The following CNBD1 variants were observed in gnomAD, a reference collection of about 807,000 sequenced individuals.
CNBD1 encodes the protein cyclic nucleotide-binding domain-containing protein 1.
CNBD1 carries 71 observed loss-of-function variants against 54.4 expected under a neutral mutation model. The observed-to-expected ratio is 1.30, with a 90% CI of 1.08 to 1.59. The LOEUF (loss-of-function observed/expected upper bound fraction) is 1.59. CNBD1 is among the 40% of genes most tolerant of loss of function. The pLI is 0.00. For missense variants in CNBD1, 659 were observed against 518.0 expected (o/e 1.27, Z -2.64); for synonymous variants, 182 against 170.7 (o/e 1.07, Z -0.51).
intron 4 of CNBD1, among the ~76,000 whole-genome samples, chr8:87,123,868 C>T (rs917741584): frequency 6.6e-6 from 1 of 151,524 alleles, no homozygotes; most frequent in Non-Finnish European, 1.5e-5. Context: ...CAATTAATAA[C>T]TAATTGGATA....
chr8:87,162,255 T>C (rs1166058344), intron 4 of CNBD1, among the ~76,000 whole-genome samples: 1 of 152,084 alleles, frequency 6.6e-6, no homozygotes, highest in African/African-American at 2.4e-5. Flanking sequence ...TCAGAATATG[T>C]TGAAACAGAA....
intron 2 of CNBD1, among the ~76,000 whole-genome samples, chr8:87,412,392 G>C (rs1234725980): frequency 6.6e-6 from 1 of 152,048 alleles, no homozygotes; most frequent in East Asian, 1.9e-4. Context: ...TACTCGATAT[G>C]ACCAGGATTT....
intron 3 of CNBD1, among the ~76,000 whole-genome samples, chr8:86,936,985 T>C (rs1809560972): frequency 6.6e-6 from 1 of 152,168 alleles, no homozygotes; most frequent in Non-Finnish European, 1.5e-5. Flanking sequence ...CTGAGGATAA[T>C]ATTGCCTACT....
intron 4 of CNBD1, among the ~76,000 whole-genome samples, chr8:87,113,202 C>T (rs1811699706): frequency 6.6e-6 from 1 of 152,138 alleles, no homozygotes; most frequent in Non-Finnish European, 1.5e-5. Flanking sequence ...AGAAGAGTTC[C>T]AGTGTGAGCC....
chr8:87,408,338 A>C (rs1240568593), intron 2 of CNBD1, among the ~76,000 whole-genome samples: 2 of 151,908 alleles, frequency 1.3e-5, no homozygotes, highest in African/African-American at 4.8e-5. Flanking sequence ...TCACCTTCTT[A>C]TTAATCCCAC....
intron 8 of CNBD1, among the ~76,000 whole-genome samples, chr8:87,345,892 A>G (rs1810165381): frequency 6.6e-6 from 1 of 152,208 alleles, no homozygotes; most frequent in Non-Finnish European, 1.5e-5. Flanking sequence ...CCTTGCATAA[A>G]GAGGTGACTA....
intron 10 of CNBD1, among the ~76,000 whole-genome samples, chr8:87,375,607 G>A (rs1375264084): frequency 6.6e-6 from 1 of 151,746 alleles, no homozygotes; most frequent in Non-Finnish European, 1.5e-5. Flanking sequence ...ACCGAATCAA[G>A]GTTATTAGAT....
intron 1 of CNBD1, among the ~76,000 whole-genome samples, chr8:86,869,658 A>C (rs1808414378): frequency 6.6e-6 from 1 of 152,176 alleles, no homozygotes; most frequent in South Asian, 2.1e-4. Context: ...GGAGGAATGA[A>C]TGTTCTCAAA....
chr8:87,220,444 C>T (rs1814306379), intron 5 of CNBD1, among the ~76,000 whole-genome samples: 1 of 151,466 alleles, frequency 6.6e-6, no homozygotes, highest in Admixed American at 6.6e-5. Flanking sequence ...TCTGCAACTT[C>T]ACTTTCTTTC....
intron 8 of CNBD1, among the ~76,000 whole-genome samples, chr8:87,349,616 C>G (rs553588642): frequency 6.6e-6 from 1 of 152,226 alleles, no homozygotes; most frequent in African/African-American, 2.4e-5. Flanking sequence ...CTCAGATGAT[C>G]TGCCCGCCTC....
chr8:87,126,971 T>G (rs947137054), intron 4 of CNBD1, among the ~76,000 whole-genome samples: 2 of 151,818 alleles, frequency 1.3e-5, no homozygotes. Flanking sequence ...TTGGGGGTCT[T>G]GTTGTGAAGA....
At chr8:87,199,527 T>G (rs1167530740) in intron 4 of CNBD1, among the ~76,000 whole-genome samples, 1 of 152,226 alleles carries the variant, frequency 6.6e-6, no homozygotes, top group Non-Finnish European at 1.5e-5. Flanking sequence ...TTATTATTTT[T>G]TTGTGATAAG....
rs1399672271 is a variant in CNBD1 at position 87,382,789 on chromosome 8, AAC to A, written c.*166_*167del. On this transcript the variant is annotated 3_prime_UTR_variant, in exon 11 of 11. Coordinates refer to ENST00000518476, the MANE Select transcript of CNBD1 (RefSeq NM_173538.3). ...AGTCCCACTTTCGAATTGCCTTTCA[AAC>A]ACAGTTTTTATTAGCAGTCTTTCTT... 3 of 457,606 alleles carry A rather than the reference AAC, an allele frequency of 6.6e-6. No homozygotes were observed. Among genetic ancestry groups the A allele is most frequent in the Non-Finnish European group, 1.2e-5 (3 of 256,826 alleles). 28.3% of individuals were successfully genotyped at this position (457,606 alleles called of 1,614,324 possible).
At chr8:86,881,371 A>G (rs2131779095) in intron 1 of CNBD1, among the ~76,000 whole-genome samples, 1 of 152,266 alleles carries the variant, frequency 6.6e-6, no homozygotes, top group African/African-American at 2.4e-5. Context: ...CTATACGCCA[A>G]CAACAGGCAA....
chr8:87,185,520 GGATCA>G (rs998393588), intron 4 of CNBD1, among the ~76,000 whole-genome samples: 34 of 152,222 alleles, frequency 2.2e-4, no homozygotes, highest in African/African-American at 8.2e-4. Context: ...TTGTTAGGCA[GGATCA>G]GCACAGCATT....
intron 3 of CNBD1, among the ~76,000 whole-genome samples, chr8:86,911,312 G>A (rs1423408673): frequency 6.6e-6 from 1 of 152,150 alleles, no homozygotes; most frequent in Admixed American, 6.5e-5. Context: ...CCTTGCTGAG[G>A]ACTCCTTCAC....
intron 10 of CNBD1, among the ~76,000 whole-genome samples, chr8:87,376,526 A>T (rs1810943066): frequency 6.6e-6 from 1 of 151,962 alleles, no homozygotes; most frequent in Admixed American, 6.6e-5. Flanking sequence ...GCCTAAAAAT[A>T]ATTATCTTCT....
At chr8:86,943,743 G>A (rs972482286) in intron 4 of CNBD1, among the ~76,000 whole-genome samples, 1 of 151,990 alleles carries the variant, frequency 6.6e-6, no homozygotes, top group Non-Finnish European at 1.5e-5. Flanking sequence ...CTTATCATGT[G>A]TATTAGTTAG....
chr8:87,041,150 T>C (rs999298204), intron 4 of CNBD1, among the ~76,000 whole-genome samples: 8 of 151,994 alleles, frequency 5.3e-5, no homozygotes, highest in African/African-American at 1.9e-4. Flanking sequence ...AAATAGAAAA[T>C]AGTATAGCCT....
Sources: allele counts gnomAD v4.1 joint callset (sites outside exome capture counted in the v4.1 genomes callset), GRCh38; gene constraint gnomAD v4.1.1; transcripts MANE v1.5; gene names NCBI Gene and HGNC (gene_info 2026-07-23, HGNC 2026-07-21).